The following UBLCP1 variants were observed in gnomAD, a reference collection of about 807,000 sequenced individuals.
The protein encoded by UBLCP1 is ubiquitin like domain containing CTD phosphatase 1.
UBLCP1 carries 28 observed loss-of-function variants against 42.4 expected under a neutral mutation model. The ratio of observed to expected loss-of-function variants is 0.66; its 90% confidence interval spans 0.49 to 0.90. The LOEUF is 0.90. Ranked by LOEUF, UBLCP1 falls within the 40% of genes least tolerant of loss-of-function variation. UBLCP1 has a pLI of 0.00. For missense variants in UBLCP1, 279 were observed against 374.5 expected (o/e 0.75, Z 2.10); for synonymous variants, 122 against 120.8 (o/e 1.01, Z -0.07).
intron 8 of UBLCP1, among the ~76,000 whole-genome samples, chr5:159,276,771 A>G (rs1484268603): frequency 6.6e-6 from 1 of 152,292 alleles, no homozygotes; most frequent in East Asian, 1.9e-4. Flanking sequence ...TTGGTTCAGG[A>G]TTACCCTTAA....
At chr5:159,281,197 T>C (rs1446296847) in intron 9 of UBLCP1, among the ~76,000 whole-genome samples, 1 of 152,190 alleles carries the variant, frequency 6.6e-6, no homozygotes. Context: ...GAGCCTTGGG[T>C]TGAAAATCTT....
chr5:159,277,171 G>C (rs1004736494), intron 8 of UBLCP1, among the ~76,000 whole-genome samples: 1 of 151,616 alleles, frequency 6.6e-6, no homozygotes, highest in African/African-American at 2.4e-5. Context: ...TTCATTTCGT[G>C]GGGGGAGTAG....
intron 1 of UBLCP1, among the ~76,000 whole-genome samples, chr5:159,267,324 A>G (rs1753410831): frequency 6.6e-6 from 1 of 152,178 alleles, no homozygotes; most frequent in Non-Finnish European, 1.5e-5. Flanking sequence ...TCGGACTTGC[A>G]TGGGCCCTGT....
chr5:159,283,242 C>T lies in UBLCP1; in HGVS notation c.832C>T (p.Arg278Cys). Reference protein sequence around the residue: ...IRPFMKAHLNRDKDKELLKLT... With the variant: ...IRPFMKAHLNCDKDKELLKLT... ...GCCTTTTATGAAAGCGCACCTAAAT[C>T]GTGATAAAGACAAAGAACTTTTAAA... Residue 278 changes from arginine (R) to cysteine (C), a missense_variant, in exon 10 of 11, where the codon CGT becomes TGT. By Grantham distance (180) the Arg-to-Cys change is radical (BLOSUM62 -3). Coordinates refer to ENST00000296786, the MANE Select transcript of UBLCP1 (RefSeq NM_145049.5). 1.2e-6 allele frequency: 2 copies of T among 1,606,146 alleles called. No individual in the cohort carries two copies. The highest frequency in any genetic ancestry group is 1.3e-5 in the African/African-American group (1 of 74,578).
chr5:159,277,128 A>G (rs1202743779), intron 8 of UBLCP1, among the ~76,000 whole-genome samples: 1 of 151,644 alleles, frequency 6.6e-6, no homozygotes, highest in Non-Finnish European at 1.5e-5. Flanking sequence ...TCCACAAAAT[A>G]TGGCTTATTG....
rs560024319 is a variant in UBLCP1, at chr5:159,270,820, A to G, written c.448+177A>G. ...ATACAGATAAGCAAAAAAAAAAGTC[A>G]TCTGTAATCCTGATACCCAAAGATG... On this transcript the variant is annotated intron_variant, in intron 5 of 10. Transcript: ENST00000296786. Among the ~76,000 whole-genome samples the G allele has an allele frequency of 1.1e-3, 147 of 128,184 alleles. 2 individuals carry two copies. Among genetic ancestry groups the G allele is most frequent in the African/African-American group, 3.9e-3 (141 of 36,146 alleles). 84.1% of individuals were successfully genotyped at this position (128,184 alleles called of 152,430 possible).
intron 1 of UBLCP1, among the ~76,000 whole-genome samples, chr5:159,267,401 A>G (rs1753412687): frequency 6.6e-6 from 1 of 152,170 alleles, no homozygotes; most frequent in African/African-American, 2.4e-5. Context: ...CTGTACCCCC[A>G]TTATACCTAG....
chr5:159,274,552 A>G (rs772016169), intron 6 of UBLCP1, 33 bp from the exon 7 acceptor site: 1 of 1,579,226 alleles, frequency 6.3e-7, no homozygotes, highest in Admixed American at 1.8e-5. Context: ...CAAGCTTTTC[A>G]TATGTATTGT....
At chr5:159,283,575 AGAACTT>A (rs1353551857) in intron 10 of UBLCP1, among the ~76,000 whole-genome samples, 2 of 152,100 alleles carry the variant, frequency 1.3e-5, no homozygotes, top group African/African-American at 4.8e-5. Flanking sequence ...TCTAGAAGAG[AGAACTT>A]GAGAGACTAG....
At chr5:159,280,272 A>G (rs1753592475) in intron 9 of UBLCP1, among the ~76,000 whole-genome samples, 1 of 152,200 alleles carries the variant, frequency 6.6e-6, no homozygotes, top group South Asian at 2.1e-4. Context: ...AAAGGTTAAG[A>G]TTAAGATTAA....
At chr5:159,276,334 G>A (rs1012745224) in intron 8 of UBLCP1, among the ~76,000 whole-genome samples, 2 of 152,056 alleles carry the variant, frequency 1.3e-5, no homozygotes, top group Non-Finnish European at 2.9e-5. Context: ...AGGAATTGAG[G>A]AGAACTTAGG....
At chr5:159,263,646 C>T (rs1214129501) in intron 1 of UBLCP1, among the ~76,000 whole-genome samples, 3 of 152,200 alleles carry the variant, frequency 2.0e-5, no homozygotes, top group Admixed American at 1.3e-4. Flanking sequence ...TCCCTCCCCT[C>T]AACCTCCTTG....
intron 1 of UBLCP1, among the ~76,000 whole-genome samples, chr5:159,267,865 AG>A (rs1361095091): frequency 2.6e-5 from 4 of 152,198 alleles, no homozygotes; most frequent in Non-Finnish European, 4.4e-5. Context: ...AGGCCTCCCC[AG>A]CCATTCTGCA....
At chr5:159,284,089 G>C (rs1361724111) in intron 10 of UBLCP1, among the ~76,000 whole-genome samples, 2 of 152,078 alleles carry the variant, frequency 1.3e-5, no homozygotes, top group Non-Finnish European at 2.9e-5. Context: ...TTCCACTTTT[G>C]ACTTTTCAGA....
intron 8 of UBLCP1, among the ~76,000 whole-genome samples, 176 bp from the exon 9 acceptor site, chr5:159,278,062 T>C (rs1212093270): frequency 6.6e-6 from 1 of 152,216 alleles, no homozygotes; most frequent in African/African-American, 2.4e-5. Flanking sequence ...AGTTTTAATA[T>C]TGCAAAATGC....
At chr5:159,265,165 GTAAATA>G (rs1466626473) in intron 1 of UBLCP1, among the ~76,000 whole-genome samples, 1 of 152,146 alleles carries the variant, frequency 6.6e-6, no homozygotes. Flanking sequence ...TCATATATGA[GTAAATA>G]TAAATATGAA....
At chr5:159,273,903 A>G (rs1753502252) in intron 6 of UBLCP1, among the ~76,000 whole-genome samples, 1 of 151,876 alleles carries the variant, frequency 6.6e-6, no homozygotes, top group Non-Finnish European at 1.5e-5. Context: ...CTCTTTTTAA[A>G]CATTTTACTT....
intron 8 of UBLCP1, chr5:159,275,482 G>T: frequency 3.8e-6 from 1 of 262,164 alleles, no homozygotes; most frequent in Non-Finnish European, 6.8e-6. Context: ...GTGCAATCTC[G>T]CTCACGCAAG....
chr5:159,270,307 A>G (rs1753448107), intron 3 of UBLCP1, 53 bp from the exon 4 acceptor site: 1 of 1,376,032 alleles, frequency 7.3e-7, no homozygotes, highest in Non-Finnish European at 1.0e-6. Flanking sequence ...CTATGCATGT[A>G]TTTGTTATAT....
Sources: allele counts gnomAD v4.1 joint callset (sites outside exome capture counted in the v4.1 genomes callset), GRCh38; gene constraint gnomAD v4.1.1; transcripts MANE v1.5; gene names NCBI Gene and HGNC (gene_info 2026-07-23, HGNC 2026-07-21).